Variants in PCNX1 observed in about 807,000 individuals in gnomAD.
PCNX1 encodes the protein pecanex-like protein 1.
A neutral mutation model predicts 242.2 loss-of-function variants in PCNX1; 78 were observed. The ratio of observed to expected loss-of-function variants is 0.32; its 90% CI spans 0.27 to 0.39. The LOEUF is 0.39. PCNX1 is among the 10% of genes least tolerant of loss of function. The pLI is 1.00. For missense variants in PCNX1, 2,581 were observed against 2,856.5 expected (o/e 0.90, Z 2.20); for synonymous variants, 1,024 against 1,032.9 (o/e 0.99, Z 0.17).
At chr14:71,096,629 C>T (rs890259109) in intron 30 of PCNX1, among the ~76,000 whole-genome samples, 6 of 152,058 alleles carry the variant, frequency 3.9e-5, no homozygotes, top group African/African-American at 1.4e-4. Flanking sequence ...TGGCTCTCTG[C>T]TTGTATAGGA....
chr14:70,977,750 C>T lies in PCNX1; in HGVS notation c.1413C>T (p.Thr471=), dbSNP rs757761225. 10 of 1,613,872 alleles carry T rather than the reference C, an allele frequency of 6.2e-6. No individual in the cohort carries two copies. Among genetic ancestry groups the T allele is most frequent in the Non-Finnish European group, 8.5e-6 (10 of 1,180,006 alleles). ...NSGVHEAKDP[T]PSDEMHNQRG... ...GGGTTCACGAGGCCAAGGACCCCACCCCCTCTGATGAGATGCACAACCAGA... is the reference window on the plus strand; with the variant it reads ...GGGTTCACGAGGCCAAGGACCCCACTCCCTCTGATGAGATGCACAACCAGA... Residue 471 remains threonine (T), a synonymous_variant, in exon 6 of 36, where the codon ACC becomes ACT. Coordinates refer to ENST00000304743, the MANE Select transcript of PCNX1 (RefSeq NM_014982.3).
intron 12 of PCNX1, among the ~76,000 whole-genome samples, chr14:71,020,206 A>G (rs1250963290): frequency 1.3e-5 from 2 of 152,166 alleles, no homozygotes; most frequent in African/African-American, 2.4e-5. Context: ...GGTTGGTTCC[A>G]AGTCTTTGCT....
At chr14:71,010,394 T>TA (rs2059791001) in intron 9 of PCNX1, among the ~76,000 whole-genome samples, 1 of 152,030 alleles carries the variant, frequency 6.6e-6, no homozygotes, top group South Asian at 2.1e-4. Flanking sequence ...TCCTTCTAAG[T>TA]GTTTGGTCAA....
At chr14:70,945,339 A>G (rs1418939662) in intron 1 of PCNX1, among the ~76,000 whole-genome samples, 1 of 152,190 alleles carries the variant, frequency 6.6e-6, no homozygotes. Flanking sequence ...TTCTAAATAT[A>G]TTTCCCAACT....
intron 30 of PCNX1, among the ~76,000 whole-genome samples, chr14:71,098,042 G>T (rs966480919): frequency 2.6e-5 from 4 of 152,316 alleles, no homozygotes; most frequent in Admixed American, 2.0e-4. Context: ...TGAATAGGGA[G>T]TCCTTTCTCC....
At position 71,052,325 on chromosome 14, in the gene PCNX1, T is replaced by A. The variant is rs182597618; in HGVS notation, c.4577+313T>A. On this transcript the variant is annotated intron_variant, in intron 24 of 35. Transcript: ENST00000304743. ...TCCTGGGGGGCTCAAGTGATCCTCC[T>A]GCCTCAGCCTCCTGAATAGCGAGGA... 8.5e-4 allele frequency among the ~76,000 whole-genome samples: 130 copies of A among 152,134 alleles called. 2 individuals are homozygous for A. The highest frequency in any genetic ancestry group is 3.1e-3 in the African/African-American group (127 of 41,510).
rs1566754734 is a variant in PCNX1, at chr14:71,055,488, GT to G, written c.4578-12del. ...TAATGTAAAGAAAGTTACTAAAAAT[GT>G]TTTATTTTCTTTAGCACAAAACGAG... On this transcript the variant is annotated splice_polypyrimidine_tract_variant and intron_variant, in intron 24 of 35. Transcript: ENST00000304743. The G allele has an allele frequency of 2.6e-6, 4 of 1,539,772 alleles. No homozygotes were observed. The highest frequency in any genetic ancestry group is 3.6e-6 in the Non-Finnish European group (4 of 1,117,358).
At chr14:70,939,861 T>C (rs1298707230) in intron 1 of PCNX1, among the ~76,000 whole-genome samples, 1 of 152,252 alleles carries the variant, frequency 6.6e-6, no homozygotes, top group Non-Finnish European at 1.5e-5. Context: ...TCTTGTTGAA[T>C]TGATACCTTT....
rs543038647 is a variant in PCNX1, at chr14:71,009,426, A to G, written c.2630-208A>G. Among the ~76,000 whole-genome samples the G allele has an allele frequency of 5.9e-5, 9 of 152,346 alleles. No homozygotes were observed. In the East Asian group the frequency reaches 1.7e-3, roughly 29 times the overall value. On this transcript the variant is annotated intron_variant, in intron 8 of 35. Coordinates refer to ENST00000304743, the MANE Select transcript of PCNX1 (RefSeq NM_014982.3). ...AGTCCCTTCCTTTTAATACCTGATT[A>G]TGTATGTTGATGTTTTACCCTACTG...
At position 71,108,989 on chromosome 14, in the gene PCNX1, C is replaced by T. The variant is rs1488007973; in HGVS notation, c.6687C>T (p.Thr2229=). The change falls in exon 34 of 36, where the codon ACC becomes ACT. Residue 2229 remains threonine, a synonymous_variant. Coordinates refer to ENST00000304743, the MANE Select transcript of PCNX1 (RefSeq NM_014982.3). ...SSATDAQPGN[T]LSPANNSHSR... is the part of the protein sequence containing the mutation. ...CCACTGATGCACAGCCAGGCAACAC[C>T]TTAAGTCCTGCCAACAATTCACACT... The T allele has an allele frequency of 1.2e-6, 2 of 1,614,186 alleles. No homozygotes were observed. The highest frequency in any genetic ancestry group is 3.3e-5 in the Admixed American group (2 of 60,034).
chr14:71,019,060 G>A lies in PCNX1; in HGVS notation c.3048G>A (p.Val1016=), dbSNP rs775996135. Residue 1016 remains valine, a synonymous_variant, in exon 12 of 36, where the codon GTG becomes GTA. Transcript: ENST00000304743. ...NVLAVILAIL[V]AFLGSILLIQ... ...TAGCTGTCATCCTGGCTATTCTCGT[G>A]GCCTTTTTGGGATCTATTCTTCTCA... The A allele has an allele frequency of 1.2e-6, 2 of 1,613,026 alleles. No individual in the cohort carries two copies. Among genetic ancestry groups the A allele is most frequent in the East Asian group, 2.2e-5 (1 of 44,780 alleles).
intron 1 of PCNX1, among the ~76,000 whole-genome samples, chr14:70,942,016 A>G (rs899690893): frequency 6.6e-6 from 1 of 152,188 alleles, no homozygotes; most frequent in African/African-American, 2.4e-5. Context: ...CCGATTTTCC[A>G]GGTGCCATCT....
intron 25 of PCNX1, 26 bp downstream of exon 25, chr14:71,055,588 A>C: frequency 6.9e-7 from 1 of 1,444,998 alleles, no homozygotes; most frequent in Non-Finnish European, 9.7e-7. Context: ...GTGACTAAGG[A>C]GGCAAGACTA....
intron 33 of PCNX1, among the ~76,000 whole-genome samples, chr14:71,107,478 G>T (rs1361888989): frequency 3.3e-5 from 5 of 151,984 alleles, no homozygotes; most frequent in Non-Finnish European, 7.4e-5. Flanking sequence ...TTCTTTAAAT[G>T]TACTTTTTGT....
intron 12 of PCNX1, among the ~76,000 whole-genome samples, chr14:71,021,354 A>G (rs147507405): frequency 6.6e-6 from 1 of 152,194 alleles, no homozygotes; most frequent in African/African-American, 2.4e-5. Context: ...TTTGGGCAGT[A>G]TGGCCATTTT....
In PCNX1 at chr14:70,971,115, G is replaced by GTTTTT. The variant is rs1046870052; in HGVS notation, c.604+2041_604+2045dup. On this transcript the variant is annotated intron_variant, in intron 5 of 35. Coordinates refer to ENST00000304743, the MANE Select transcript of PCNX1 (RefSeq NM_014982.3). Reference sequence around the variant, plus strand: ...AATCTATGCTATACTACTTTATATAGTTTTTTTTTTTTTTTTTTTTTTTTT... The same window carrying GTTTTT: ...AATCTATGCTATACTACTTTATATAGTTTTTTTTTTTTTTTTTTTTTTTTTTTTTT... 1.9e-3 allele frequency among the ~76,000 whole-genome samples: 27 copies of GTTTTT among 14,518 alleles called. 11 individuals are homozygous for GTTTTT. The highest frequency in any genetic ancestry group is 2.3e-3 in the Non-Finnish European group (19 of 8,256). The allele number at this position is 14,518 out of a possible 152,430, so 9.5% of individuals were successfully genotyped here. A position where few individuals can be genotyped will look rare whatever the true frequency, so the allele number is the denominator to read the frequency against.
At chr14:70,962,864 T>C (rs901453052) in intron 3 of PCNX1, among the ~76,000 whole-genome samples, 4 of 152,204 alleles carry the variant, frequency 2.6e-5, no homozygotes, top group African/African-American at 9.6e-5. Flanking sequence ...CTCTTATTCA[T>C]CCTAAATACC....
intron 2 of PCNX1, among the ~76,000 whole-genome samples, chr14:70,951,931 C>G (rs1376083024): frequency 6.6e-6 from 1 of 152,096 alleles, no homozygotes; most frequent in Non-Finnish European, 1.5e-5. Flanking sequence ...CTGTACATTT[C>G]CTACGCCTAT....
At chr14:71,011,914 C>T (rs2059831327) in intron 10 of PCNX1, 2 of 189,142 alleles carry the variant, frequency 1.1e-5, no homozygotes, top group African/African-American at 4.8e-5. Flanking sequence ...TAGTGTATTC[C>T]TGGAAACTGC....
Sources: allele counts gnomAD v4.1 joint callset (sites outside exome capture counted in the v4.1 genomes callset), GRCh38; gene constraint gnomAD v4.1.1; transcripts MANE v1.5; gene names NCBI Gene and HGNC (gene_info 2026-07-23, HGNC 2026-07-21).